Variants in ABCB1 observed in about 807,000 individuals in gnomAD.
ABCB1 encodes ATP-dependent translocase ABCB1.
ABCB1 carries 69 observed loss-of-function variants against 142.0 expected under a neutral mutation model. That is an observed-to-expected ratio of 0.49 (90% CI 0.40 to 0.59). The LOEUF (loss-of-function observed/expected upper bound fraction) is 0.59. Among genes scored for constraint, ABCB1 ranks in the 20% least tolerant of loss-of-function variants. The pLI, the probability that ABCB1 is intolerant of heterozygous loss-of-function variation, is 0.00. For missense variants in ABCB1, 1,326 were observed against 1,554.7 expected (o/e 0.85, Z 2.47); for synonymous variants, 532 against 539.2 (o/e 0.99, Z 0.18).
At chr7:87,531,251 C>G (rs1475723576) in intron 21 of ABCB1, 43 bp downstream of exon 21, 1 of 1,518,304 alleles carries the variant, frequency 6.6e-7, no homozygotes, top group Non-Finnish European at 9.1e-7. Flanking sequence ...GATTAGAATA[C>G]TTTACTCTAC....
At chr7:87,603,030 C>T (rs1819517675), upstream of ABCB1, 1 of 152,178 alleles carries the variant, frequency 6.6e-6, no homozygotes, top group African/African-American at 2.4e-5. Context: ...AAGTGACTGC[C>T]ACAATCTGCA....
rs1389010033 is a variant in ABCB1, at chr7:87,509,418, C to T, written c.3346G>A (p.Val1116Met). Residue 1116 changes from valine (V) to methionine (M), a missense_variant, in exon 26 of 28, where the codon GTG becomes ATG. Coordinates refer to ENST00000622132, the MANE Select transcript of ABCB1 (RefSeq NM_001348946.2). The stretch of plus-strand genomic sequence containing the variant: ...TCAAACAGGATGGGCTCCTGGGACA[C>T]GATGCCCAGGTGTGCTCGGAGCCAC... ...VQWLRAHLGIVSQEPILFDCS... is the reference protein window; with the variant it reads ...VQWLRAHLGIMSQEPILFDCS... 5.0e-6 allele frequency: 8 copies of T among 1,614,058 alleles called. No homozygotes were observed. The African/African-American group carries it at 5.3e-5, about 11-fold the overall frequency.
chr7:87,700,834 G>A (rs1440051684), intron 1 of ABCB1, among the ~76,000 whole-genome samples: 9 of 152,042 alleles, frequency 5.9e-5, no homozygotes, highest in Non-Finnish European at 1.5e-5. Context: ...TTGCCTTTTC[G>A]CTGTGTTGAT....
intron 1 of ABCB1, among the ~76,000 whole-genome samples, chr7:87,637,152 T>G (rs1821861569): frequency 6.6e-6 from 1 of 152,172 alleles, no homozygotes; most frequent in Admixed American, 6.5e-5. Flanking sequence ...CAATTCAAGA[T>G]GAGATTTGGG....
intron 1 of ABCB1, among the ~76,000 whole-genome samples, chr7:87,699,549 G>T (rs1404750532): frequency 6.6e-6 from 1 of 152,110 alleles, no homozygotes; most frequent in Non-Finnish European, 1.5e-5. Context: ...GGGATTATGG[G>T]CATACACCAC....
intron 1 of ABCB1, chr7:87,628,986 G>C (rs754779154): frequency 6.9e-6 from 9 of 1,303,088 alleles, no homozygotes; most frequent in Admixed American, 3.2e-5. Context: ...CTCCCGCCGG[G>C]GCTGAGAGCT....
chr7:87,553,317 C>CTTTTTTTT (rs941637830), intron 9 of ABCB1, among the ~76,000 whole-genome samples: 4 of 112,664 alleles, frequency 3.6e-5, no homozygotes, highest in African/African-American at 7.2e-5. Flanking sequence ...TTTTTTTCCA[C>CTTTTTTTT]TTTTTTTTTT....
chr7:87,662,447 G>A (rs995629294), intron 1 of ABCB1, among the ~76,000 whole-genome samples: 4 of 152,036 alleles, frequency 2.6e-5, no homozygotes, highest in Non-Finnish European at 4.4e-5. Context: ...AGAGAGAGGG[G>A]TCTAGTTTCA....
chr7:87,550,020 T>C lies in ABCB1; in HGVS notation c.1385A>G (p.Asn462Ser). The change falls in exon 13 of 28, where the codon AAT becomes AGT. Residue 462 changes from asparagine (N) to serine (S), a missense_variant. By Grantham distance (46) the Asn-to-Ser change is conservative (BLOSUM62 1). Transcript: ENST00000622132. ...AATGATTTCCCGTAGAAACCTTACA[T>C]TTATGGTCCTAATATCCTGTCCATC... ...SVDGQDIRTI[N>S]VRFLREIIGV... 6.2e-7 allele frequency: 1 copy of C among 1,614,214 alleles called. No individual in the cohort carries two copies.
At chr7:87,567,379 G>A (rs1367964506) in intron 5 of ABCB1, among the ~76,000 whole-genome samples, 1 of 152,188 alleles carries the variant, frequency 6.6e-6, no homozygotes, top group Non-Finnish European at 1.5e-5. Flanking sequence ...TGGTATATTG[G>A]GGAATCACAG....
chr7:87,585,693 A>C lies in ABCB1; in HGVS notation c.118-13T>G, dbSNP rs1281904426. 1.9e-6 allele frequency: 3 copies of C among 1,612,562 alleles called. No individual in the cohort carries two copies. The East Asian group carries it at 6.7e-5, about 36-fold the overall frequency. ...TTGAATAGCGAAACTAAAAAGAGAGAAAAAAGAATAGCAGAGGAAAAATTA... is the reference window on the plus strand; with the variant it reads ...TTGAATAGCGAAACTAAAAAGAGAGCAAAAAGAATAGCAGAGGAAAAATTA... On this transcript the variant is annotated splice_polypyrimidine_tract_variant and intron_variant, in intron 3 of 27. Transcript: ENST00000622132.
chr7:87,616,393 G>A (rs1260874091), intron 1 of ABCB1, among the ~76,000 whole-genome samples: 2 of 152,142 alleles, frequency 1.3e-5, no homozygotes, highest in African/African-American at 2.4e-5. Flanking sequence ...AAGAAGTGAT[G>A]GATGTTTTGT....
intron 1 of ABCB1, among the ~76,000 whole-genome samples, chr7:87,671,590 C>T (rs1361707179): frequency 2.6e-5 from 4 of 152,194 alleles, no homozygotes; most frequent in African/African-American, 9.6e-5. Flanking sequence ...GCCTGTCCCT[C>T]TCTCTGGGAG....
At chr7:87,638,906 A>C (rs1822125108) in intron 1 of ABCB1, among the ~76,000 whole-genome samples, 1 of 152,188 alleles carries the variant, frequency 6.6e-6, no homozygotes, top group Non-Finnish European at 1.5e-5. Context: ...TAATCCCAGC[A>C]CTTTGGGAGG....
chr7:87,505,511 C>T (rs1234855224), intron 27 of ABCB1, among the ~76,000 whole-genome samples: 3 of 152,136 alleles, frequency 2.0e-5, no homozygotes, highest in Admixed American at 2.0e-4. Context: ...GAATTTTTAA[C>T]GTTTTCTCTG....
At position 87,522,530 on chromosome 7, in the gene ABCB1, G is replaced by C. The variant is rs144748181; in HGVS notation, c.2686-1654C>G. On this transcript the variant is annotated intron_variant, in intron 21 of 27. Coordinates refer to ENST00000622132, the MANE Select transcript of ABCB1 (RefSeq NM_001348946.2). ...CAAGCACAGTGGTGGCAGGGCCTAA[G>C]TGCTACAAGAAGACATGTTTTAGAC... 2.4e-3 allele frequency: 1,167 copies of C among 481,100 alleles called. 12 individuals carry two copies. The highest frequency in any genetic ancestry group is 0.021 in the African/African-American group (1,076 of 51,296). 29.8% of individuals were successfully genotyped at this position (481,100 alleles called of 1,614,324 possible).
upstream of ABCB1, among the ~76,000 whole-genome samples, chr7:87,602,053 G>A (rs1269640017): frequency 6.6e-6 from 1 of 151,984 alleles, no homozygotes. Flanking sequence ...GAGTGCAGTG[G>A]CAGGATCTCG....
intron 1 of ABCB1, among the ~76,000 whole-genome samples, chr7:87,620,118 T>C (rs1820172303): frequency 6.6e-6 from 1 of 152,084 alleles, no homozygotes; most frequent in Admixed American, 6.6e-5. Flanking sequence ...GAAAATCCTG[T>C]TTAGACGTTT....
intron 1 of ABCB1, among the ~76,000 whole-genome samples, chr7:87,663,125 T>G (rs1824879454): frequency 6.6e-6 from 1 of 152,160 alleles, no homozygotes; most frequent in Admixed American, 6.6e-5. Context: ...GTTTATCAGT[T>G]CTAATGGCTT....
Sources: allele counts gnomAD v4.1 joint callset (sites outside exome capture counted in the v4.1 genomes callset), GRCh38; gene constraint gnomAD v4.1.1; transcripts MANE v1.5; gene names NCBI Gene and HGNC (gene_info 2026-07-23, HGNC 2026-07-21).